The following TCAIM variants were observed in gnomAD, a reference collection of about 807,000 sequenced individuals.
The protein encoded by TCAIM is T cell activation inhibitor, mitochondrial.
TCAIM carries 36 observed loss-of-function variants against 58.6 expected under a neutral mutation model. That is an observed-to-expected ratio of 0.61 (90% CI 0.47 to 0.81). The LOEUF is 0.81. TCAIM is among the 30% of genes least tolerant of loss of function. TCAIM has a pLI of 0.00. For missense variants in TCAIM, 466 were observed against 579.6 expected, an observed-to-expected ratio of 0.80 and a Z score of 2.01; for synonymous variants, 172 against 193.6, an observed-to-expected ratio of 0.89 and a Z score of 0.93.
Position 44,372,632 on chromosome 3 carries a change from C to T in TCAIM, c.572+4924C>T, listed in dbSNP as rs143659873. Among the ~76,000 whole-genome samples, 519 of 150,256 alleles carry T rather than the reference C, an allele frequency of 3.5e-3. 2 individuals carry two copies. The highest frequency in any genetic ancestry group is 0.01 in the Middle Eastern group (3 of 288). On this transcript the variant is annotated intron_variant, in intron 5 of 10. Coordinates refer to ENST00000342649, the MANE Select transcript of TCAIM (RefSeq NM_173826.4). ...TTTAAGACAGAGTCTTTTGCTCAGT[C>T]GCCCAGGCTGGAGTGCAGTGGTGCT...
At chr3:44,385,594 T>C (rs1458669683) in intron 5 of TCAIM, among the ~76,000 whole-genome samples, 1 of 151,922 alleles carries the variant, frequency 6.6e-6, no homozygotes, top group Non-Finnish European at 1.5e-5. Context: ...ACAAAAAAAA[T>C]TAGCCGGGAG....
intron 1 of TCAIM, chr3:44,340,964 T>C (rs1003985200): frequency 4.6e-5 from 7 of 152,136 alleles, no homozygotes; most frequent in African/African-American, 1.7e-4. Context: ...AAAAGACTCA[T>C]AGTACTCGGT....
chr3:44,396,720 A>C (rs757008781), intron 7 of TCAIM, 23 bp from the exon 8 acceptor site: 5 of 1,610,174 alleles, frequency 3.1e-6, no homozygotes, highest in Non-Finnish European at 4.2e-6. Context: ...ACCATGACCA[A>C]AGGTTTTGTG....
intron 1 of TCAIM, among the ~76,000 whole-genome samples, chr3:44,347,374 A>T (rs1270960163): frequency 6.6e-6 from 1 of 152,154 alleles, no homozygotes; most frequent in Non-Finnish European, 1.5e-5. Flanking sequence ...TGACCGAAGT[A>T]ATGGGGGCTG....
At position 44,407,533 on chromosome 3, in the gene TCAIM, C is replaced by T. The variant is rs758893977; in HGVS notation, c.1342C>T (p.Gln448Ter). Reference protein sequence around the residue: ...LYKEPSISSIQMVDCCKRLLE... With the variant: ...LYKEPSISSI ...TAAAGAGCCCAGCATTTCTAGTATA[C>T]AAATGGTGGATTGTTGTAAGAGACT... Residue 448 changes from glutamine (Q) to a stop codon, truncating the protein, a stop_gained, in exon 11 of 11, where the codon CAA becomes TAA. Coordinates refer to ENST00000342649, the MANE Select transcript of TCAIM (RefSeq NM_173826.4). LOFTEE classifies it high-confidence loss of function. The T allele has an allele frequency of 6.2e-7, 1 of 1,613,772 alleles. No homozygotes were observed. Among genetic ancestry groups the T allele is most frequent in the Non-Finnish European group, 8.5e-7 (1 of 1,179,870 alleles).
At chr3:44,396,915 A>G (rs1270639556) in intron 8 of TCAIM, 81 bp downstream of exon 8, 43 of 1,350,610 alleles carry the variant, frequency 3.2e-5, no homozygotes, top group Non-Finnish European at 4.4e-5. Context: ...TTAAGGGACT[A>G]AAAAAAGGTT....
chr3:44,344,772 G>A (rs932863746), intron 1 of TCAIM, among the ~76,000 whole-genome samples: 1 of 152,072 alleles, frequency 6.6e-6, no homozygotes, highest in Non-Finnish European at 1.5e-5. Context: ...AGGGAGTTAG[G>A]GGTGGGGTAG....
chr3:44,353,048 A>G (rs1457707499), intron 1 of TCAIM, among the ~76,000 whole-genome samples: 2 of 150,312 alleles, frequency 1.3e-5, no homozygotes, highest in Non-Finnish European at 3.0e-5. Context: ...TCAGCCTCAC[A>G]AGTAGCTGGG....
chr3:44,364,859 G>A (rs529189786), intron 4 of TCAIM, among the ~76,000 whole-genome samples: 1 of 152,002 alleles, frequency 6.6e-6, no homozygotes, highest in South Asian at 2.1e-4. Flanking sequence ...CCCATAAATG[G>A]TAAAAATACA....
In TCAIM at chr3:44,389,285, G is replaced by A. The variant is rs373323730; in HGVS notation, c.573-3570G>A. 1.8e-4 allele frequency among the ~76,000 whole-genome samples: 27 copies of A among 152,286 alleles called. No individual in the cohort carries two copies. In the East Asian group the frequency reaches 2.3e-3, roughly 13 times the overall value. ...AGCCTGGGTGACACAGTGAGACTCCGTCTCAAAAAATAATAATAATAAAAC... is the reference window on the plus strand; with the variant it reads ...AGCCTGGGTGACACAGTGAGACTCCATCTCAAAAAATAATAATAATAAAAC... On this transcript the variant is annotated intron_variant, in intron 5 of 10. Transcript: ENST00000342649.
intron 3 of TCAIM, chr3:44,359,169 T>C (rs74897395): frequency 0.1 from 79,526 of 798,148 alleles, 4,221 homozygotes; most frequent in Middle Eastern, 0.15. Flanking sequence ...GAGGATTACT[T>C]GAGCCCAGGA....
At chr3:44,380,870 G>A (rs931069600) in intron 5 of TCAIM, among the ~76,000 whole-genome samples, 17 of 152,032 alleles carry the variant, frequency 1.1e-4, no homozygotes, top group Non-Finnish European at 2.4e-4. Flanking sequence ...AGTACCATGG[G>A]CAATTGTACA....
At chr3:44,356,917 C>A (rs1701204456) in intron 2 of TCAIM, among the ~76,000 whole-genome samples, 1 of 151,544 alleles carries the variant, frequency 6.6e-6, no homozygotes, top group African/African-American at 2.4e-5. Flanking sequence ...CAGAAGATTG[C>A]ATGCAGTGAG....
At chr3:44,350,053 C>T (rs544121093) in intron 1 of TCAIM, among the ~76,000 whole-genome samples, 28 of 151,892 alleles carry the variant, frequency 1.8e-4, no homozygotes, top group African/African-American at 6.0e-4. Context: ...GTGAAGAGAC[C>T]ACCAAACAGG....
At chr3:44,398,362 G>T (rs1022419110) in intron 8 of TCAIM, among the ~76,000 whole-genome samples, 1 of 152,070 alleles carries the variant, frequency 6.6e-6, no homozygotes, top group Non-Finnish European at 1.5e-5. Context: ...CCCGGGAGAC[G>T]GAAGTTGCAG....
intron 1 of TCAIM, among the ~76,000 whole-genome samples, chr3:44,347,388 C>G (rs912710636): frequency 6.6e-6 from 1 of 152,132 alleles, no homozygotes; most frequent in African/African-American, 2.4e-5. Flanking sequence ...GGGGCTGTCC[C>G]TGAAGGCTTG....
chr3:44,357,344 T>C (rs995714482), intron 2 of TCAIM, among the ~76,000 whole-genome samples: 2 of 148,768 alleles, frequency 1.3e-5, no homozygotes, highest in African/African-American at 2.5e-5. Context: ...AGACTCTGTC[T>C]GAAAGAAAAA....
intron 1 of TCAIM, 21 bp from the exon 2 acceptor site, chr3:44,354,718 G>T: frequency 2.0e-6 from 3 of 1,526,958 alleles, no homozygotes; most frequent in Non-Finnish European, 2.7e-6. Context: ...GTTCATTTGT[G>T]ATATCTGCTT....
intron 1 of TCAIM, chr3:44,340,748 C>T (rs563444098): frequency 6.6e-6 from 1 of 152,190 alleles, no homozygotes; most frequent in Admixed American, 6.5e-5. Context: ...TCCTCCATCC[C>T]ACCCAGATTC....
Sources: gnomAD v4.1 joint callset for allele counts (sites outside exome capture counted in the v4.1 genomes callset) on GRCh38, gnomAD v4.1.1 for gene constraint, MANE v1.5 for transcripts, NCBI Gene and HGNC (gene_info 2026-07-23, HGNC 2026-07-21) for gene names.